SUPT3H: variants seen among roughly 807,000 people sequenced by gnomAD.
The protein encoded by SUPT3H is transcription initiation protein SPT3 homolog.
Under a neutral mutation model 44.3 loss-of-function variants are expected in SUPT3H, and 44 were observed. The ratio of observed to expected loss-of-function variants is 0.99; its 90% CI spans 0.78 to 1.28. The LOEUF is 1.28. SUPT3H is among the 50% of genes most tolerant of loss of function. The pLI is 0.00. For missense variants in SUPT3H, 380 were observed against 387.1 expected (o/e 0.98, Z 0.15); for synonymous variants, 124 against 125.6 (o/e 0.99, Z 0.09).
chr6:45,300,246 A>G (rs1781936962), intron 2 of SUPT3H, among the ~76,000 whole-genome samples: 1 of 152,192 alleles, frequency 6.6e-6, no homozygotes, highest in Non-Finnish European at 1.5e-5. Flanking sequence ...TTTAAATCCG[A>G]TTTCAGTTTG....
chr6:44,956,224 C>T lies in SUPT3H; in HGVS notation c.581-1617G>A, dbSNP rs1300915981. 2.6e-5 allele frequency among the ~76,000 whole-genome samples: 4 copies of T among 151,828 alleles called. No homozygotes were observed. In the East Asian group the frequency reaches 7.8e-4, roughly 30 times the overall value. On this transcript the variant is annotated intron_variant, in intron 7 of 10. Coordinates refer to ENST00000371459, the MANE Select transcript of SUPT3H (RefSeq NM_003599.4). ...TCTAGGTCGGGCGCGGTGGCTCACG[C>T]CTGTAATCCCAGCACTTCGGAAGGC...
chr6:45,136,270 A>G (rs1270985274), intron 2 of SUPT3H, among the ~76,000 whole-genome samples: 5 of 152,234 alleles, frequency 3.3e-5, no homozygotes, highest in Non-Finnish European at 7.3e-5. Context: ...CAGAGACATC[A>G]GTGGCTACAT....
chr6:44,893,196 T>C (rs546649918), intron 10 of SUPT3H, among the ~76,000 whole-genome samples: 2 of 152,302 alleles, frequency 1.3e-5, no homozygotes, highest in Admixed American at 1.3e-4. Context: ...TTATAATATA[T>C]AAAGGCATTC....
intron 3 of SUPT3H, among the ~76,000 whole-genome samples, chr6:45,042,202 C>A (rs1235242064): frequency 6.6e-6 from 1 of 152,112 alleles, no homozygotes; most frequent in African/African-American, 2.4e-5. Flanking sequence ...GCAGGCTGAT[C>A]ATCTGAGGTC....
intron 10 of SUPT3H, among the ~76,000 whole-genome samples, chr6:44,839,943 G>GC (rs1243356161): frequency 8.0e-5 from 12 of 150,092 alleles, no homozygotes; most frequent in African/African-American, 2.7e-4. Flanking sequence ...CTCGTGATCC[G>GC]CCCGCCTTGG....
intron 10 of SUPT3H, among the ~76,000 whole-genome samples, chr6:44,842,672 T>C (rs1475037485): frequency 6.6e-6 from 1 of 152,168 alleles, no homozygotes; most frequent in Non-Finnish European, 1.5e-5. Context: ...TTTTTTAAAA[T>C]ACCAGTGATA....
In SUPT3H at chr6:44,828,771, A is replaced by ATTCT. The variant is rs1768093597; in HGVS notation, c.*1044_*1045insAGAA. On this transcript the variant is annotated 3_prime_UTR_variant, in exon 11 of 11. Coordinates refer to ENST00000371459, the MANE Select transcript of SUPT3H (RefSeq NM_003599.4). Reference sequence around the variant, plus strand: ...TTTCTGTTTTTATTAATTCTTTAGAAAGAGTGTTTCAAGTATGTGTAAAAA... The same window carrying ATTCT: ...TTTCTGTTTTTATTAATTCTTTAGAATTCTAGAGTGTTTCAAGTATGTGTAAAAA... 6.6e-6 allele frequency: 1 copy of ATTCT among 152,584 alleles called. No individual in the cohort carries two copies. Among genetic ancestry groups the ATTCT allele is most frequent in the Admixed American group, 6.5e-5 (1 of 15,278 alleles). 9.5% of individuals were successfully genotyped at this position (152,584 alleles called of 1,614,324 possible).
intron 2 of SUPT3H, among the ~76,000 whole-genome samples, chr6:45,339,226 T>C (rs185769408): frequency 1.5e-3 from 230 of 152,232 alleles, no homozygotes; most frequent in Middle Eastern, 3.4e-3. Context: ...AGACTTCTTA[T>C]GTTACAGTGG....
chr6:44,870,794 C>A (rs1582106362), intron 10 of SUPT3H, among the ~76,000 whole-genome samples: 1 of 150,794 alleles, frequency 6.6e-6, no homozygotes, highest in Admixed American at 6.6e-5. Context: ...TGTGCGCGCA[C>A]CCTGCGCGAG....
chr6:44,968,181 C>A (rs1025416852), intron 6 of SUPT3H, among the ~76,000 whole-genome samples: 1 of 152,070 alleles, frequency 6.6e-6, no homozygotes, highest in African/African-American at 2.4e-5. Flanking sequence ...AGGCAAAATG[C>A]CTTTTACTAA....
chr6:45,281,548 G>A (rs1778079788), intron 2 of SUPT3H, among the ~76,000 whole-genome samples: 1 of 152,168 alleles, frequency 6.6e-6, no homozygotes. Flanking sequence ...TGGGGGAGGG[G>A]CGCCCACCAT....
chr6:45,152,083 C>T lies in SUPT3H; in HGVS notation c.102-46077G>A, dbSNP rs550053537. On this transcript the variant is annotated intron_variant, in intron 2 of 10. Coordinates refer to ENST00000371459, the MANE Select transcript of SUPT3H (RefSeq NM_003599.4). The stretch of plus-strand genomic sequence containing the variant: ...ATAAGCCGATTCCCAAACTTCTATG[C>T]TAACTTTTCCCCAGAATTCTGGACT... Among the ~76,000 whole-genome samples the T allele has an allele frequency of 1.4e-4, 21 of 152,202 alleles. No individual in the cohort carries two copies. The East Asian group carries it at 4.1e-3, about 29-fold the overall frequency.
intron 10 of SUPT3H, among the ~76,000 whole-genome samples, chr6:44,887,660 A>G (rs898566140): frequency 3.3e-5 from 5 of 151,836 alleles, no homozygotes; most frequent in Admixed American, 3.3e-4. Flanking sequence ...CCCACAAGAG[A>G]AAGCAGGAAA....
chr6:45,198,268 C>CT (rs1420642330), intron 2 of SUPT3H, among the ~76,000 whole-genome samples: 1 of 151,144 alleles, frequency 6.6e-6, no homozygotes, highest in African/African-American at 2.4e-5. Context: ...AACAGGATCA[C>CT]TTTTACAAAT....
Position 45,349,653 on chromosome 6 carries a change from G to T in SUPT3H, c.101+15548C>A, listed in dbSNP as rs372261550. On this transcript the variant is annotated intron_variant, in intron 2 of 10. Coordinates refer to ENST00000371459, the MANE Select transcript of SUPT3H (RefSeq NM_003599.4). ...GAAGATTCATTTTTTTAAGTCATAGGTTGTTTCACTGGTTTTCATCAATTT... is the reference window on the plus strand; with the variant it reads ...GAAGATTCATTTTTTTAAGTCATAGTTTGTTTCACTGGTTTTCATCAATTT... Among the ~76,000 whole-genome samples the T allele has an allele frequency of 2.6e-5, 4 of 152,244 alleles. No homozygotes were observed. In the Middle Eastern group the frequency reaches 0.01, roughly 388 times the overall value.
At chr6:45,266,690 G>A (rs1214031745) in intron 2 of SUPT3H, among the ~76,000 whole-genome samples, 1 of 151,936 alleles carries the variant, frequency 6.6e-6, no homozygotes, top group Non-Finnish European at 1.5e-5. Context: ...ACAGAAATCT[G>A]CCTTATATTC....
chr6:45,119,494 C>T (rs1415408115), intron 2 of SUPT3H, among the ~76,000 whole-genome samples: 1 of 152,062 alleles, frequency 6.6e-6, no homozygotes, highest in African/African-American at 2.4e-5. Context: ...AGTGGGCACA[C>T]AAACTAGATA....
chr6:45,287,406 A>T (rs1331322144), intron 2 of SUPT3H, among the ~76,000 whole-genome samples: 3 of 152,206 alleles, frequency 2.0e-5, no homozygotes, highest in Admixed American at 1.3e-4. Flanking sequence ...CTGTATATCC[A>T]TATAAGGCAT....
At chr6:45,266,501 A>G (rs990702859) in intron 2 of SUPT3H, among the ~76,000 whole-genome samples, 1 of 151,948 alleles carries the variant, frequency 6.6e-6, no homozygotes, top group African/African-American at 2.4e-5. Context: ...GCATGTAACA[A>G]TATGAAAAGA....
Sources: gnomAD v4.1 joint callset for allele counts (sites outside exome capture counted in the v4.1 genomes callset) on GRCh38, gnomAD v4.1.1 for gene constraint, MANE v1.5 for transcripts, NCBI Gene and HGNC (gene_info 2026-07-23, HGNC 2026-07-21) for gene names.